The following MAD2L1BP variants were observed in gnomAD, a reference collection of about 807,000 sequenced individuals.
MAD2L1BP encodes the protein MAD2L1 binding protein.
A neutral mutation model predicts 28.4 loss-of-function variants in MAD2L1BP; 22 were observed. The observed-to-expected ratio is 0.77, with a 90% CI of 0.55 to 1.10. The LOEUF (loss-of-function observed/expected upper bound fraction) is 1.10, where lower values mean the gene tolerates loss of function less well. Ranked by LOEUF, MAD2L1BP falls within the 50% of genes least tolerant of loss-of-function variation. MAD2L1BP has a pLI of 0.00. For synonymous variants in MAD2L1BP, 146 were observed against 133.7 expected (o/e 1.09, Z -0.63); for missense variants, 325 against 350.5 (o/e 0.93, Z 0.58).
intron 2 of MAD2L1BP, among the ~76,000 whole-genome samples, chr6:43,639,319 T>G (rs1186460321): frequency 6.6e-6 from 1 of 152,162 alleles, no homozygotes; most frequent in East Asian, 1.9e-4. Flanking sequence ...TTTTGTATTT[T>G]TAGTAGAGAC....
chr6:43,632,812 G>A (rs1379781407), upstream of MAD2L1BP, among the ~76,000 whole-genome samples: 1 of 151,764 alleles, frequency 6.6e-6, no homozygotes, highest in African/African-American at 2.4e-5. Context: ...CCTAAGGACA[G>A]GAGTTCAAGA....
At chr6:43,630,908 C>CAAAAAAAAAAA (rs753239311), upstream of MAD2L1BP, among the ~76,000 whole-genome samples, 11 of 53,540 alleles carry the variant, frequency 2.1e-4, no homozygotes, top group Non-Finnish European at 2.7e-4. Context: ...GACTTCGTCT[C>CAAAAAAAAAAA]AAAAAAAAAA....
At position 43,640,449 on chromosome 6, in the gene MAD2L1BP, T is replaced by C. The variant is rs1770502884; in HGVS notation, c.741T>C (p.Cys247=). ...ATAAACTGACTGTGACCCTGTCATG[T>C]GGCAGACCTTCCATCCGAACCACGG... is the stretch of plus-strand genomic sequence containing the variant. ...RGHKLTVTLS[C]GRPSIRTTAW... The change falls in exon 3 of 3, where the codon TGT becomes TGC. Residue 247 remains cysteine (C), a synonymous_variant. Transcript: ENST00000372171. 8 of 1,613,822 alleles carry C rather than the reference T, an allele frequency of 5.0e-6. No individual in the cohort carries two copies. The highest frequency in any genetic ancestry group is 6.8e-6 in the Non-Finnish European group (8 of 1,179,972).
chr6:43,635,992 C>T, intron 1 of MAD2L1BP, 71 bp downstream of exon 1: 1 of 1,429,466 alleles, frequency 7.0e-7, no homozygotes, highest in South Asian at 1.3e-5. Flanking sequence ...GCCATCCATT[C>T]GTTTATCCGC....
At chr6:43,632,099 C>T (rs936915140), upstream of MAD2L1BP, among the ~76,000 whole-genome samples, 2 of 151,874 alleles carry the variant, frequency 1.3e-5, no homozygotes, top group East Asian at 1.9e-4. Flanking sequence ...GTGGTTTCTC[C>T]GTGTTGGTCA....
At chr6:43,634,600 A>C (rs1280676395), upstream of MAD2L1BP, among the ~76,000 whole-genome samples, 1 of 151,714 alleles carries the variant, frequency 6.6e-6, no homozygotes, top group Non-Finnish European at 1.5e-5. Flanking sequence ...TCACTCTGTC[A>C]CCTAGGCTGG....
upstream of MAD2L1BP, among the ~76,000 whole-genome samples, chr6:43,631,961 G>A (rs562653606): frequency 1.1e-4 from 17 of 151,916 alleles, no homozygotes; most frequent in African/African-American, 3.1e-4. Context: ...GTGCAATGGC[G>A]CGATCTTGGC....
intron 2 of MAD2L1BP, among the ~76,000 whole-genome samples, chr6:43,638,291 C>T (rs1770367135): frequency 6.6e-6 from 1 of 152,122 alleles, no homozygotes; most frequent in African/African-American, 2.4e-5. Context: ...ATCCACCTGC[C>T]TCAGCCTCCC....
chr6:43,635,163 C>T (rs1202660961), upstream of MAD2L1BP, among the ~76,000 whole-genome samples: 3 of 152,212 alleles, frequency 2.0e-5, no homozygotes, highest in Non-Finnish European at 2.9e-5. Context: ...CCCCATCTGC[C>T]TACAGGATCA....
chr6:43,639,533 A>G (rs1770452709), intron 2 of MAD2L1BP, among the ~76,000 whole-genome samples: 1 of 152,126 alleles, frequency 6.6e-6, no homozygotes, highest in Admixed American at 6.6e-5. Context: ...TTTCTTTGTC[A>G]GTCTTTCCTC....
At chr6:43,639,930 GTCTATGTACAC>G in intron 2 of MAD2L1BP, 80 bp from the exon 3 acceptor site, 1 of 1,183,562 alleles carries the variant, frequency 8.4e-7, no homozygotes, top group Non-Finnish European at 1.2e-6. Flanking sequence ...AGTCCTGTAA[GTCTATGTACAC>G]ATCCCAGCAG....
At position 43,637,090 on chromosome 6, in the gene MAD2L1BP, GTC is replaced by G. The variant is rs565947778; in HGVS notation, c.312+452_312+453del. Among the ~76,000 whole-genome samples the G allele has an allele frequency of 4.9e-4, 75 of 151,744 alleles. 1 individual carries two copies. Among genetic ancestry groups the G allele is most frequent in the Admixed American group, 9.2e-4 (14 of 15,220 alleles). Reference sequence around the variant, plus strand: ...TATTTATTTTATGTTTTGAGACAGAGTCTCTCTCTTGTTGCCCAGGCTGGAAT... The same window carrying G: ...TATTTATTTTATGTTTTGAGACAGAGTCTCTCTTGTTGCCCAGGCTGGAAT... On this transcript the variant is annotated intron_variant, in intron 2 of 2. Transcript: ENST00000372171.
rs547665702 is a variant in MAD2L1BP at position 43,640,450 on chromosome 6, G to C, written c.742G>C (p.Gly248Arg). The change falls in exon 3 of 3, where the codon GGC becomes CGC. Residue 248 changes from glycine (G) to arginine (R), a missense_variant. By Grantham distance (125) the Gly-to-Arg change is moderately radical (BLOSUM62 -2). Transcript: ENST00000372171. ...GHKLTVTLSC[G>R]RPSIRTTAWE... ...TAAACTGACTGTGACCCTGTCATGT[G>C]GCAGACCTTCCATCCGAACCACGGC... The C allele has an allele frequency of 6.2e-7, 1 of 1,613,724 alleles. No individual in the cohort carries two copies. The highest frequency in any genetic ancestry group is 1.3e-5 in the African/African-American group (1 of 75,040).
exon 1 of MAD2L1BP, chr6:43,629,638 G>A: frequency 8.7e-7 from 1 of 1,143,674 alleles, no homozygotes; most frequent in South Asian, 1.3e-5. Context: ...TCCGGGATTT[G>A]GCCCTTTAGC....
Position 43,636,584 on chromosome 6 carries a change from C to A in MAD2L1BP, c.250C>A (p.Arg84Ser), listed in dbSNP as rs145551253. The part of the protein sequence containing the change: ...CELLKHIMYQ[R>S]QQLPLPYEQL... ...ACTTCTAAAGCATATCATGTATCAA[C>A]GCCAGCAGCTCCCTCTGCCCTATGA... The change falls in exon 2 of 3, where the codon CGC becomes AGC. Residue 84 changes from arginine to serine, a missense_variant. Transcript: ENST00000372171. The A allele has an allele frequency of 1.2e-6, 2 of 1,614,078 alleles. No individual in the cohort carries two copies. Among genetic ancestry groups the A allele is most frequent in the African/African-American group, 2.7e-5 (2 of 74,934 alleles).
rs1031797937 is a variant in MAD2L1BP at position 43,636,968 on chromosome 6, C to T, written c.312+322C>T. On this transcript the variant is annotated intron_variant, in intron 2 of 2. Transcript: ENST00000372171. The stretch of plus-strand genomic sequence containing the variant: ...TCTCAGCTCACTGCAACCTCCGCCT[C>T]CCAGGTTCAAGCGATTCTGCTGCCT... 4.7e-5 allele frequency: 10 copies of T among 211,788 alleles called. 1 individual carries two copies. Among genetic ancestry groups the T allele is most frequent in the Middle Eastern group, 3.7e-3 (2 of 538 alleles). The allele number at this position is 211,788 out of a possible 1,614,324, so 13.1% of individuals were successfully genotyped here.
In MAD2L1BP at chr6:43,639,941, C is replaced by T. The variant is rs776138137; in HGVS notation, c.313-80C>T. 468 of 1,303,978 alleles carry T rather than the reference C, an allele frequency of 3.6e-4. 1 individual carries two copies. The highest frequency in any genetic ancestry group is 4.6e-4 in the Non-Finnish European group (441 of 965,964). The allele number at this position is 1,303,978 out of a possible 1,614,324, so 80.8% of individuals were successfully genotyped here. On this transcript the variant is annotated intron_variant, in intron 2 of 2. Transcript: ENST00000372171. ...ATTAAGTCCTGTAAGTCTATGTACA[C>T]ATCCCAGCAGGGTTCTTTTCAAAGA...
In MAD2L1BP at chr6:43,640,841, C is replaced by T. The variant is rs1446703887; in HGVS notation, c.*308C>T. 1 of 279,812 alleles carries T rather than the reference C, an allele frequency of 3.6e-6. No homozygotes were observed. The highest frequency in any genetic ancestry group is 6.6e-6 in the Non-Finnish European group (1 of 150,390). The allele number at this position is 279,812 out of a possible 1,614,324, so 17.3% of individuals were successfully genotyped here. A position where few individuals can be genotyped will look rare whatever the true frequency, so the allele number is the denominator to read the frequency against. ...GTCCATAGACACTCTATGGAGGTGT[C>T]CCTTTCTGCTCTTTGCTGTGTCCTT... On this transcript the variant is annotated 3_prime_UTR_variant, in exon 3 of 3. Transcript: ENST00000372171.
At chr6:43,632,560 G>T (rs1582361865), upstream of MAD2L1BP, among the ~76,000 whole-genome samples, 1 of 151,818 alleles carries the variant, frequency 6.6e-6, no homozygotes, top group East Asian at 1.9e-4. Context: ...TGCCCAGCCA[G>T]ATCCAGTATT....
Sources: gnomAD v4.1 joint callset for allele counts (sites outside exome capture counted in the v4.1 genomes callset) on GRCh38, gnomAD v4.1.1 for gene constraint, MANE v1.5 for transcripts, NCBI Gene and HGNC (gene_info 2026-07-23, HGNC 2026-07-21) for gene names.